The following GALNT13 variants were observed in gnomAD, a reference collection of about 807,000 sequenced individuals.
The protein encoded by GALNT13 is UDP-GalNAc:polypeptide N-acetylgalactosaminyltransferase 13.
Under a neutral mutation model 64.2 loss-of-function variants are expected in GALNT13, and 28 were observed. The observed-to-expected ratio is 0.44, with a 90% confidence interval of 0.32 to 0.60. The LOEUF (loss-of-function observed/expected upper bound fraction) is 0.60. Ranked by LOEUF, GALNT13 falls within the 20% of genes least tolerant of loss-of-function variation. GALNT13 has a pLI of 0.05. For synonymous variants in GALNT13, 214 were observed against 224.6 expected (o/e 0.95, Z 0.42); for missense variants, 577 against 669.8 (o/e 0.86, Z 1.53).
In GALNT13 at chr2:154,167,484, T is replaced by C. The variant is rs545005990; in HGVS notation, c.311+26979T>C. ...AGGCTAAAAAAAAGGCAGCCTCTTC[T>C]TTGAACAAGCTTTTAGGAGTGATCA... On this transcript the variant is annotated intron_variant, in intron 4 of 12. Coordinates refer to ENST00000392825, the MANE Select transcript of GALNT13 (RefSeq NM_052917.4). Among the ~76,000 whole-genome samples the C allele has an allele frequency of 3.3e-5, 5 of 152,330 alleles. No homozygotes were observed. The South Asian group carries it at 1.0e-3, about 32-fold the overall frequency.
chr2:154,039,900 G>A (rs894198591), intron 3 of GALNT13, among the ~76,000 whole-genome samples: 6 of 139,896 alleles, frequency 4.3e-5, no homozygotes, highest in African/African-American at 1.2e-4. Flanking sequence ...CAATTATTAT[G>A]TGTCAACTAA....
At chr2:153,488,539 G>T in the GALNT13 span, among the ~76,000 whole-genome samples, 1 of 152,280 alleles carries the variant, frequency 6.6e-6, no homozygotes, top group Admixed American at 6.5e-5. Flanking sequence ...GATGTTTTTG[G>T]TGGGTCTTGA....
chr2:154,034,790 G>T (rs939312124), intron 3 of GALNT13, among the ~76,000 whole-genome samples: 1 of 135,642 alleles, frequency 7.4e-6, no homozygotes, highest in Non-Finnish European at 1.5e-5. Context: ...TTTTATGGCT[G>T]AATAGTAGTC....
chr2:153,855,726 C>A, the GALNT13 span, among the ~76,000 whole-genome samples: 16 of 152,212 alleles, frequency 1.1e-4, no homozygotes, highest in East Asian at 3.1e-3. Flanking sequence ...AGCAATTTCA[C>A]TCCTAGGTAT....
chr2:153,233,498 C>T, the GALNT13 span, among the ~76,000 whole-genome samples: 3 of 145,842 alleles, frequency 2.1e-5, no homozygotes, highest in Admixed American at 6.8e-5. Flanking sequence ...AAAAAAAAAA[C>T]TGCTTGTAGT....
chr2:153,799,816 T>C, the GALNT13 span, among the ~76,000 whole-genome samples: 4 of 152,058 alleles, frequency 2.6e-5, no homozygotes, highest in African/African-American at 9.7e-5. Context: ...ATATGTACCA[T>C]AGGGCCCGGT....
chr2:154,375,133 G>A (rs1194849233), intron 9 of GALNT13, among the ~76,000 whole-genome samples: 2 of 151,884 alleles, frequency 1.3e-5, no homozygotes, highest in Non-Finnish European at 2.9e-5. Flanking sequence ...GACTACAGGC[G>A]CCCGCCACCA....
chr2:154,177,454 C>T (rs919093077), intron 4 of GALNT13, among the ~76,000 whole-genome samples: 1 of 151,966 alleles, frequency 6.6e-6, no homozygotes, highest in African/African-American at 2.4e-5. Flanking sequence ...ATTGAAAATA[C>T]TCTTGTGATA....
chr2:153,401,116 G>A, the GALNT13 span, among the ~76,000 whole-genome samples: 1 of 152,002 alleles, frequency 6.6e-6, no homozygotes, highest in African/African-American at 2.4e-5. Context: ...AGAGATTCTG[G>A]TATGTTGTGT....
chr2:154,213,274 T>A (rs1225659834), intron 4 of GALNT13, among the ~76,000 whole-genome samples: 1 of 151,954 alleles, frequency 6.6e-6, no homozygotes, highest in Non-Finnish European at 1.5e-5. Flanking sequence ...GATATGGGGT[T>A]TTGCCATGTT....
intron 2 of GALNT13, among the ~76,000 whole-genome samples, chr2:153,907,861 A>T (rs868380132): frequency 6.6e-6 from 1 of 152,116 alleles, no homozygotes; most frequent in Non-Finnish European, 1.5e-5. Context: ...TAGTGCTGCA[A>T]TTAACATATG....
the GALNT13 span, among the ~76,000 whole-genome samples, chr2:153,334,581 T>A: frequency 2.0e-5 from 3 of 152,116 alleles, no homozygotes; most frequent in Admixed American, 6.6e-5. Flanking sequence ...ACCACTCATG[T>A]CTGAACTGAA....
chr2:153,151,936 T>A, the GALNT13 span, among the ~76,000 whole-genome samples: 14 of 152,062 alleles, frequency 9.2e-5, no homozygotes, highest in Admixed American at 8.5e-4. Flanking sequence ...CATATGTAAC[T>A]AACCTGCACA....
At chr2:153,069,002 C>T in the GALNT13 span, among the ~76,000 whole-genome samples, 3 of 152,214 alleles carry the variant, frequency 2.0e-5, no homozygotes, top group Non-Finnish European at 4.4e-5. Context: ...CCAGTGAAGG[C>T]AGTGCACTTT....
the GALNT13 span, among the ~76,000 whole-genome samples, chr2:153,686,974 C>T: frequency 6.6e-6 from 1 of 152,054 alleles, no homozygotes; most frequent in Non-Finnish European, 1.5e-5. Flanking sequence ...GCCAACCTTG[C>T]ATCCAGGGAT....
At chr2:153,665,592 G>T in the GALNT13 span, among the ~76,000 whole-genome samples, 9 of 152,082 alleles carry the variant, frequency 5.9e-5, no homozygotes, top group South Asian at 1.7e-3. Context: ...GCTAGAAGAA[G>T]AATACCCATC....
intron 8 of GALNT13, among the ~76,000 whole-genome samples, chr2:154,267,772 A>T (rs1007864532): frequency 1.2e-4 from 18 of 152,210 alleles, no homozygotes; most frequent in Admixed American, 2.6e-4. Flanking sequence ...TCTAGAAAAA[A>T]AAACTCTCAA....
At chr2:153,516,999 T>C in the GALNT13 span, among the ~76,000 whole-genome samples, 1 of 151,998 alleles carries the variant, frequency 6.6e-6, no homozygotes, top group Non-Finnish European at 1.5e-5. Flanking sequence ...TTTTTTCCTC[T>C]GAGTTCTTAG....
At chr2:153,251,167 G>A in the GALNT13 span, among the ~76,000 whole-genome samples, 5 of 152,142 alleles carry the variant, frequency 3.3e-5, no homozygotes, top group Non-Finnish European at 2.9e-5. Flanking sequence ...ATGAAATGGT[G>A]TTTGGCTTTC....
Sources: allele counts gnomAD v4.1 joint callset (sites outside exome capture counted in the v4.1 genomes callset), GRCh38; gene constraint gnomAD v4.1.1; transcripts MANE v1.5; gene names NCBI Gene and HGNC (gene_info 2026-07-23, HGNC 2026-07-21).